AK7: variants seen among roughly 807,000 people sequenced by gnomAD.
AK7 encodes the protein ATP-AMP transphosphorylase 7.
A neutral mutation model predicts 96.6 loss-of-function variants in AK7; 78 were observed. That is an observed-to-expected ratio of 0.81 (90% CI 0.67 to 0.97). The LOEUF (loss-of-function observed/expected upper bound fraction) is 0.97, where lower values mean the gene tolerates loss of function less well. Ranked by LOEUF, AK7 falls within the 50% of genes least tolerant of loss-of-function variation. The probability of loss-of-function intolerance (pLI) is 0.00; values close to 1 mark genes in which losing one functional copy is unlikely to be tolerated. For missense variants in AK7, 855 were observed against 887.9 expected, an observed-to-expected ratio of 0.96 and a Z score of 0.47; for synonymous variants, 302 against 317.2, an observed-to-expected ratio of 0.95 and a Z score of 0.51.
At chr14:96,460,601 G>C (rs904414992) in intron 12 of AK7, among the ~76,000 whole-genome samples, 1 of 152,146 alleles carries the variant, frequency 6.6e-6, no homozygotes, top group Non-Finnish European at 1.5e-5. Flanking sequence ...GCCATCACTG[G>C]TCTTCTGGTA....
chr14:96,454,319 A>G (rs1893768672), intron 10 of AK7, among the ~76,000 whole-genome samples: 1 of 152,204 alleles, frequency 6.6e-6, no homozygotes, highest in South Asian at 2.1e-4. Flanking sequence ...GACCATTTTG[A>G]AATAAATAAC....
intron 6 of AK7, among the ~76,000 whole-genome samples, chr14:96,439,328 G>A (rs117746795): frequency 0.013 from 1,916 of 152,076 alleles, 23 homozygotes; most frequent in Non-Finnish European, 0.018. Flanking sequence ...AGGTTGAGAA[G>A]GGTGGGCAGG....
intron 12 of AK7, 58 bp from the exon 13 acceptor site, chr14:96,471,420 C>A: frequency 4.7e-6 from 4 of 857,026 alleles, no homozygotes; most frequent in African/African-American, 1.9e-5. Context: ...TTTAAAACAA[C>A]TCTTACTTAG....
chr14:96,454,045 A>G (rs1031106418), intron 10 of AK7, among the ~76,000 whole-genome samples: 1 of 152,014 alleles, frequency 6.6e-6, no homozygotes, highest in South Asian at 2.1e-4. Context: ...TCCCTATCCG[A>G]TGGGACCACA....
intron 4 of AK7, among the ~76,000 whole-genome samples, chr14:96,411,790 C>T (rs1229550980): frequency 1.3e-5 from 2 of 152,162 alleles, no homozygotes; most frequent in African/African-American, 2.4e-5. Flanking sequence ...ATGTGGCATC[C>T]GTTCGAAGTC....
intron 16 of AK7, among the ~76,000 whole-genome samples, chr14:96,484,008 T>C (rs181454399): frequency 2.0e-5 from 3 of 152,038 alleles, no homozygotes; most frequent in Admixed American, 2.0e-4. Flanking sequence ...GGCTGGAGAA[T>C]CATTTGAGCT....
chr14:96,475,393 A>C (rs986471130), intron 14 of AK7, among the ~76,000 whole-genome samples: 1 of 152,160 alleles, frequency 6.6e-6, no homozygotes, highest in Non-Finnish European at 1.5e-5. Context: ...GGAAAGGTCT[A>C]GATCAATGCC....
chr14:96,417,211 G>A (rs1028834146), intron 4 of AK7, among the ~76,000 whole-genome samples: 3 of 152,322 alleles, frequency 2.0e-5, no homozygotes, highest in South Asian at 2.1e-4. Context: ...CCAGACTGGA[G>A]CTGGCAAGTG....
At chr14:96,426,406 T>G (rs1010192372) in intron 5 of AK7, among the ~76,000 whole-genome samples, 4 of 152,184 alleles carry the variant, frequency 2.6e-5, no homozygotes, top group Admixed American at 2.0e-4. Flanking sequence ...TTATTTTTTT[T>G]GGTTCATTGT....
At position 96,399,713 on chromosome 14, in the gene AK7, G is replaced by C. The variant is rs548570363; in HGVS notation, c.294+1450G>C. Among the ~76,000 whole-genome samples, 1 of 152,140 alleles carries C rather than the reference G, an allele frequency of 6.6e-6. No homozygotes were observed. Among genetic ancestry groups the C allele is most frequent in the Non-Finnish European group, 1.5e-5 (1 of 68,026 alleles). On this transcript the variant is annotated intron_variant, in intron 2 of 17. Coordinates refer to ENST00000267584, the MANE Select transcript of AK7 (RefSeq NM_152327.5). The surrounding 1 kb of genome is among the most constrained non-coding windows in gnomAD (Gnocchi z 4.1). ...CAGCCTGGCTTCCCGAGAGAAACTC[G>C]CCTTCCCTTCTTGTGCCTCGGCTCT...
chr14:96,437,032 A>G (rs918342822), intron 5 of AK7, among the ~76,000 whole-genome samples: 2 of 130,504 alleles, frequency 1.5e-5, no homozygotes, highest in Admixed American at 8.8e-5. Context: ...TATCTGGTTA[A>G]ATATTGAGGC....
chr14:96,487,298 C>T lies in AK7; in HGVS notation c.2133+242C>T, dbSNP rs368643816. On this transcript the variant is annotated intron_variant, in intron 17 of 17. Coordinates refer to ENST00000267584, the MANE Select transcript of AK7 (RefSeq NM_152327.5). ...ACTCAGGAAGCTGAGGCAGGAGAAT[C>T]GCTTGAACCCTGGAGGTGGAGGTTG... 3.2e-4 allele frequency among the ~76,000 whole-genome samples: 45 copies of T among 142,038 alleles called. 1 individual carries two copies. Among genetic ancestry groups the T allele is most frequent in the East Asian group, 2.9e-3 (13 of 4,444 alleles). The allele number at this position is 142,038 out of a possible 152,430, so 93.2% of individuals were successfully genotyped here. A position where few individuals can be genotyped will look rare whatever the true frequency, so the allele number is the denominator to read the frequency against.
intron 14 of AK7, among the ~76,000 whole-genome samples, chr14:96,477,144 A>T (rs1411747190): frequency 1.3e-5 from 2 of 152,250 alleles, no homozygotes; most frequent in Non-Finnish European, 2.9e-5. Flanking sequence ...TACTTGCGAA[A>T]ACACCTCTTG....
chr14:96,423,805 C>T, intron 5 of AK7: 1 of 756,714 alleles, frequency 1.3e-6, no homozygotes, highest in South Asian at 1.3e-5. Context: ...GGGGGGACGC[C>T]ACCTTGAATT....
chr14:96,486,983 A>C lies in AK7; in HGVS notation c.2060A>C (p.Tyr687Ser), dbSNP rs747492257. Reference sequence around the variant, plus strand: ...CCCCTGAGAAACTATTTAATGACCTATGTGATGCCAACTCTTATTCAGGGC... The same window carrying C: ...CCCCTGAGAAACTATTTAATGACCTCTGTGATGCCAACTCTTATTCAGGGC... Reference protein sequence around the residue: ...SIPLRNYLMTYVMPTLIQGLN... With the variant: ...SIPLRNYLMTSVMPTLIQGLN... The change falls in exon 17 of 18, where the codon TAT (tyrosine) becomes TCT (serine). Residue 687 changes from tyrosine (Y) to serine (S), a missense_variant. By Grantham distance (144) the Tyr-to-Ser change is moderately radical. Transcript: ENST00000267584. The C allele has an allele frequency of 6.2e-7, 1 of 1,614,168 alleles. No individual in the cohort carries two copies. The highest frequency in any genetic ancestry group is 1.1e-5 in the South Asian group (1 of 91,088).
At chr14:96,459,227 A>G (rs1362320707) in intron 12 of AK7, among the ~76,000 whole-genome samples, 1 of 151,840 alleles carries the variant, frequency 6.6e-6, no homozygotes. Context: ...AATCCCAGCT[A>G]CTCGGGAAGG....
Position 96,456,433 on chromosome 14 carries a change from C to T in AK7, c.1185C>T (p.His395=), listed in dbSNP as rs1893913877. Residue 395 remains histidine (H), a synonymous_variant, in exon 11 of 18, where the codon CAC becomes CAT. Coordinates refer to ENST00000267584, the MANE Select transcript of AK7 (RefSeq NM_152327.5). ...TGGCCAACTACTACAAACTGCATCA[C>T]ATCCAACTGAAGGATGTCATTTCTG... ...KELANYYKLH[H]IQLKDVISEA... The T allele has an allele frequency of 1.9e-6, 3 of 1,613,944 alleles. No individual in the cohort carries two copies. Among genetic ancestry groups the T allele is most frequent in the Non-Finnish European group, 2.5e-6 (3 of 1,179,886 alleles).
intron 5 of AK7, among the ~76,000 whole-genome samples, chr14:96,427,418 T>C (rs1280983921): frequency 6.6e-6 from 1 of 152,192 alleles, no homozygotes; most frequent in East Asian, 1.9e-4. Flanking sequence ...AAGGGGCAGC[T>C]GCTACACACT....
At chr14:96,427,083 T>A (rs1389201959) in intron 5 of AK7, among the ~76,000 whole-genome samples, 1 of 152,086 alleles carries the variant, frequency 6.6e-6, no homozygotes, top group Non-Finnish European at 1.5e-5. Flanking sequence ...CCGTCTCTAC[T>A]GAAAATACAA....
Sources: allele counts gnomAD v4.1 joint callset (sites outside exome capture counted in the v4.1 genomes callset), GRCh38; gene constraint gnomAD v4.1.1; non-coding constraint Gnocchi (gnomAD v3.1); transcripts MANE v1.5; gene names NCBI Gene and HGNC (gene_info 2026-07-23, HGNC 2026-07-21).